The following WNT16 variants were observed in gnomAD, a reference collection of about 807,000 sequenced individuals.
The protein encoded by WNT16 is protein Wnt-16.
A neutral mutation model predicts 35.4 loss-of-function variants in WNT16; 20 were observed. That is an observed-to-expected ratio of 0.56 (90% CI 0.40 to 0.82). The LOEUF (loss-of-function observed/expected upper bound fraction) is 0.82, where lower values mean the gene tolerates loss of function less well. Ranked by LOEUF, WNT16 falls within the 40% of genes least tolerant of loss-of-function variation. WNT16 has a pLI of 0.00. For synonymous variants in WNT16, 180 were observed against 179.2 expected, an observed-to-expected ratio of 1.00 and a Z score of -0.03; for missense variants, 461 against 466.0, an observed-to-expected ratio of 0.99 and a Z score of 0.10.
At chr7:121,327,104 G>A (rs1053605167), upstream of WNT16, among the ~76,000 whole-genome samples, 4 of 152,208 alleles carry the variant, frequency 2.6e-5, no homozygotes, top group African/African-American at 7.2e-5. Flanking sequence ...AGTGAGCTTG[G>A]ATGAAGGCTC....
Position 121,329,768 on chromosome 7 carries a change from T to C in WNT16, c.297T>C (p.Thr99=), listed in dbSNP as rs1289282444. The part of the protein sequence containing the change: ...RWNCMITAAA[T]TAPMGASPLF... ...ACTGCATGATCACCGCCGCCGCCACTACCGCCCCGATGGGCGCCAGCCCCC... is the reference window on the plus strand; with the variant it reads ...ACTGCATGATCACCGCCGCCGCCACCACCGCCCCGATGGGCGCCAGCCCCC... The change falls in exon 2 of 4, where the codon ACT becomes ACC. Residue 99 remains threonine, a synonymous_variant. Transcript: ENST00000222462. 1.2e-6 allele frequency: 2 copies of C among 1,609,082 alleles called. No homozygotes were observed. Among genetic ancestry groups the C allele is most frequent in the East Asian group, 4.5e-5 (2 of 44,874 alleles).
Position 121,329,243 on chromosome 7 carries a change from A to AG in WNT16, c.-45dup. ...CCTGCGGCCCGAAGGGCCTCTGGGG[A>AG]GGGGGTGCAAAAGAGGAGCGGCTGG... On this transcript the variant is annotated 5_prime_UTR_variant, in exon 1 of 4. Coordinates refer to ENST00000222462, the MANE Select transcript of WNT16 (RefSeq NM_057168.2). 1.3e-6 allele frequency: 2 copies of AG among 1,491,176 alleles called. No homozygotes were observed. Among genetic ancestry groups the AG allele is most frequent in the South Asian group, 1.3e-5 (1 of 77,054 alleles). The allele number at this position is 1,491,176 out of a possible 1,614,324, so 92.4% of individuals were successfully genotyped here. A position where few individuals can be genotyped will look rare whatever the true frequency, so the allele number is the denominator to read the frequency against.
chr7:121,327,350 T>TC (rs1793261147), upstream of WNT16, among the ~76,000 whole-genome samples: 1 of 48,460 alleles, frequency 2.1e-5, no homozygotes, highest in Non-Finnish European at 5.9e-5. Context: ...TATCTAATCC[T>TC]TTTTTTTTTT....
intron 3 of WNT16, among the ~76,000 whole-genome samples, chr7:121,333,559 A>T (rs1466906244): frequency 6.6e-6 from 1 of 151,996 alleles, no homozygotes; most frequent in Non-Finnish European, 1.5e-5. Flanking sequence ...ATTTAAAAAA[A>T]TAAATGACTG....
intron 3 of WNT16, among the ~76,000 whole-genome samples, chr7:121,336,255 T>G (rs575727870): frequency 5.3e-5 from 8 of 152,112 alleles, no homozygotes; most frequent in African/African-American, 1.9e-4. Context: ...CCCATAGATA[T>G]TCTAAGAATA....
chr7:121,338,790 C>G lies in WNT16; in HGVS notation c.634-91C>G, dbSNP rs149784125. The G allele has an allele frequency of 4.5e-6, 5 of 1,100,472 alleles. No individual in the cohort carries two copies. In the African/African-American group the frequency reaches 6.3e-5, roughly 14 times the overall value. The allele number at this position is 1,100,472 out of a possible 1,614,324, so 68.2% of individuals were successfully genotyped here. Reference sequence around the variant, plus strand: ...ATTTTTATTCAAGAGGAAATAGACCCAGAAAGTTAATTGATTAGATTAACT... The same window carrying G: ...ATTTTTATTCAAGAGGAAATAGACCGAGAAAGTTAATTGATTAGATTAACT... On this transcript the variant is annotated intron_variant, in intron 3 of 3. Coordinates refer to ENST00000222462, the MANE Select transcript of WNT16 (RefSeq NM_057168.2).
At chr7:121,335,425 T>C (rs1182268511) in intron 3 of WNT16, among the ~76,000 whole-genome samples, 1 of 152,106 alleles carries the variant, frequency 6.6e-6, no homozygotes, top group Non-Finnish European at 1.5e-5. Context: ...CTGATTGCTC[T>C]GACATAGTTT....
In WNT16 at chr7:121,339,580, G is replaced by T; in HGVS notation, c.*235G>T. On this transcript the variant is annotated 3_prime_UTR_variant, in exon 4 of 4. Coordinates refer to ENST00000222462, the MANE Select transcript of WNT16 (RefSeq NM_057168.2). ...TTGAAAAGGTTTATATTCACCTTTTGATGATTTGGGGAATATATATTGACA... is the reference window on the plus strand; with the variant it reads ...TTGAAAAGGTTTATATTCACCTTTTTATGATTTGGGGAATATATATTGACA... 1 of 508,158 alleles carries T rather than the reference G, an allele frequency of 2.0e-6. No individual in the cohort carries two copies. The highest frequency in any genetic ancestry group is 3.5e-6 in the Non-Finnish European group (1 of 287,926). The allele number at this position is 508,158 out of a possible 1,614,324, so 31.5% of individuals were successfully genotyped here. A position where few individuals can be genotyped will look rare whatever the true frequency, so the allele number is the denominator to read the frequency against.
intron 3 of WNT16, among the ~76,000 whole-genome samples, chr7:121,332,192 C>T (rs567080672): frequency 1.3e-5 from 2 of 152,090 alleles, no homozygotes; most frequent in Non-Finnish European, 2.9e-5. Flanking sequence ...AAAATTCCTT[C>T]TCTGGTAAGA....
At chr7:121,327,015 G>A (rs1238965874), upstream of WNT16, among the ~76,000 whole-genome samples, 1 of 152,166 alleles carries the variant, frequency 6.6e-6, no homozygotes, top group Non-Finnish European at 1.5e-5. Flanking sequence ...TCAAAAACAG[G>A]ATCTTATGTA....
At chr7:121,338,500 G>A (rs1793474915) in intron 3 of WNT16, among the ~76,000 whole-genome samples, 1 of 152,208 alleles carries the variant, frequency 6.6e-6, no homozygotes, top group South Asian at 2.1e-4. Context: ...GTAACGAGGT[G>A]TTGAATGGTA....
chr7:121,329,450 A>T, intron 1 of WNT16, 63 bp downstream of exon 1: 3 of 1,590,320 alleles, frequency 1.9e-6, no homozygotes, highest in Non-Finnish European at 2.6e-6. Context: ...AATCCTAGGG[A>T]ACTTTCAACT....
At position 121,331,830 on chromosome 7, in the gene WNT16, G is replaced by C. The variant is rs746483900; in HGVS notation, c.499G>C (p.Gly167Arg). The change falls in exon 3 of 4, where the codon GGC (glycine) becomes CGC (arginine). Residue 167 changes from glycine to arginine, a missense_variant. Physicochemically the swap from Gly to Arg is moderately radical, Grantham distance 125 (BLOSUM62 -2). Coordinates refer to ENST00000222462, the MANE Select transcript of WNT16 (RefSeq NM_057168.2). Reference protein sequence around the residue: ...GSASEGWHWGGCSDDVQYGMW... With the variant: ...GSASEGWHWGRCSDDVQYGMW... ...AGCAAGTGAAGGCTGGCACTGGGGGGGCTGCTCCGATGATGTCCAGTATGG... is the reference window on the plus strand; with the variant it reads ...AGCAAGTGAAGGCTGGCACTGGGGGCGCTGCTCCGATGATGTCCAGTATGG... The C allele has an allele frequency of 1.4e-5, 23 of 1,614,014 alleles. No individual in the cohort carries two copies. The highest frequency in any genetic ancestry group is 3.3e-5 in the Admixed American group (2 of 60,000).
chr7:121,331,322 C>T (rs1448408891), intron 2 of WNT16, among the ~76,000 whole-genome samples: 1 of 152,100 alleles, frequency 6.6e-6, no homozygotes, highest in Non-Finnish European at 1.5e-5. Context: ...AGTATCTATG[C>T]AAAGAATTTT....
chr7:121,330,624 T>C lies in WNT16; in HGVS notation c.346+807T>C, dbSNP rs1430765709. 1.4e-5 allele frequency among the ~76,000 whole-genome samples: 2 copies of C among 139,832 alleles called. 1 individual carries two copies. Among genetic ancestry groups the C allele is most frequent in the Admixed American group, 1.6e-4 (2 of 12,886 alleles). 91.7% of individuals were successfully genotyped at this position (139,832 alleles called of 152,430 possible). A position where few individuals can be genotyped will look rare whatever the true frequency, so the allele number is the denominator to read the frequency against. ...CCGCCTTTGACCCTTGTCCACGCAG[T>C]CCCTGCGCGCACCCCCGCCGAGCCG... On this transcript the variant is annotated intron_variant, in intron 2 of 3. Coordinates refer to ENST00000222462, the MANE Select transcript of WNT16 (RefSeq NM_057168.2).
upstream of WNT16, among the ~76,000 whole-genome samples, chr7:121,328,642 C>A (rs904856410): frequency 6.6e-6 from 1 of 152,216 alleles, no homozygotes; most frequent in African/African-American, 2.4e-5. Flanking sequence ...TTTCCAGCCA[C>A]TACACCCAGA....
intron 2 of WNT16, among the ~76,000 whole-genome samples, chr7:121,330,136 C>T (rs984358254): frequency 1.3e-5 from 2 of 152,356 alleles, no homozygotes; most frequent in East Asian, 3.9e-4. Flanking sequence ...CGTAGCGCCC[C>T]CCTACGTGGG....
At chr7:121,326,219 A>G (rs1193227354), upstream of WNT16, among the ~76,000 whole-genome samples, 1 of 152,162 alleles carries the variant, frequency 6.6e-6, no homozygotes, top group Non-Finnish European at 1.5e-5. Flanking sequence ...AAAGACAGTA[A>G]GAGGGATTTG....
At position 121,339,070 on chromosome 7, in the gene WNT16, A is replaced by T. The variant is rs1562877892; in HGVS notation, c.823A>T (p.Arg275Trp). 1.2e-6 allele frequency: 2 copies of T among 1,614,214 alleles called. No individual in the cohort carries two copies. Among genetic ancestry groups the T allele is most frequent in the Non-Finnish European group, 1.7e-6 (2 of 1,180,044 alleles). ...RKMRRREKDQ[R>W]KIPIHKDDLL... ...AATGCGCAGGAGAGAAAAAGATCAGAGGAAAATACCAATCCATAAGGATGA... is the reference window on the plus strand; with the variant it reads ...AATGCGCAGGAGAGAAAAAGATCAGTGGAAAATACCAATCCATAAGGATGA... Residue 275 changes from arginine (R) to tryptophan (W), a missense_variant, in exon 4 of 4, where the codon AGG (arginine) becomes TGG (tryptophan). Coordinates refer to ENST00000222462, the MANE Select transcript of WNT16 (RefSeq NM_057168.2).
Sources: gnomAD v4.1 joint callset for allele counts (sites outside exome capture counted in the v4.1 genomes callset) on GRCh38, gnomAD v4.1.1 for gene constraint, MANE v1.5 for transcripts, NCBI Gene and HGNC (gene_info 2026-07-23, HGNC 2026-07-21) for gene names.